GMDS: variants seen among roughly 807,000 people sequenced by gnomAD.
GMDS encodes GDP-mannose 4,6-dehydratase.
In GMDS, 20 loss-of-function variants were observed where a neutral mutation model predicts 49.9. That is an observed-to-expected ratio of 0.40 (90% CI 0.28 to 0.58). The LOEUF (loss-of-function observed/expected upper bound fraction) is 0.58. Among genes scored for constraint, GMDS ranks in the 20% least tolerant of loss-of-function variants. The pLI, the probability that GMDS is intolerant of heterozygous loss-of-function variation, is 0.42. For missense variants in GMDS, 362 were observed against 481.4 expected, an observed-to-expected ratio of 0.75 and a Z score of 2.32; for synonymous variants, 177 against 178.6, an observed-to-expected ratio of 0.99 and a Z score of 0.07.
intron 7 of GMDS, among the ~76,000 whole-genome samples, chr6:1,928,409 A>G (rs997060303): frequency 8.5e-5 from 13 of 152,064 alleles, no homozygotes; most frequent in African/African-American, 2.7e-4. Flanking sequence ...ATGTAGCTCT[A>G]TGCAGATGCT....
At chr6:1,678,483 G>T (rs115744874) in intron 9 of GMDS, among the ~76,000 whole-genome samples, 1,577 of 152,304 alleles carry the variant, frequency 0.01, 34 homozygotes, top group African/African-American at 0.036. Context: ...CTGATTTTCA[G>T]TGTGTTTGGC....
At chr6:1,793,784 C>T (rs181271478) in intron 7 of GMDS, among the ~76,000 whole-genome samples, 1 of 152,156 alleles carries the variant, frequency 6.6e-6, no homozygotes, top group Admixed American at 6.5e-5. Flanking sequence ...AACACAAATT[C>T]CCTGCCAGTG....
At chr6:1,774,724 A>AAAG (rs3038796) in intron 7 of GMDS, among the ~76,000 whole-genome samples, 52,181 of 151,912 alleles carry the variant, frequency 0.34, 9,235 homozygotes, top group South Asian at 0.47. Context: ...GACTTCACCT[A>AAAG]AAGGAACAGC....
intron 9 of GMDS, among the ~76,000 whole-genome samples, chr6:1,638,343 C>T (rs1763226339): frequency 6.6e-6 from 1 of 152,136 alleles, no homozygotes; most frequent in Non-Finnish European, 1.5e-5. Context: ...AGAGGGAACC[C>T]TGGCTGAAGA....
chr6:2,233,373 G>A (rs1781202935), intron 1 of GMDS, among the ~76,000 whole-genome samples: 1 of 151,908 alleles, frequency 6.6e-6, no homozygotes. Flanking sequence ...GAGCTCTACA[G>A]CAAACCTTAG....
intron 4 of GMDS, among the ~76,000 whole-genome samples, chr6:2,014,365 A>T (rs1767767237): frequency 6.6e-6 from 1 of 152,110 alleles, no homozygotes; most frequent in Non-Finnish European, 1.5e-5. Context: ...AACAGAAACG[A>T]AACAACATAT....
At chr6:1,843,698 G>A (rs1333699249) in intron 7 of GMDS, among the ~76,000 whole-genome samples, 2 of 152,308 alleles carry the variant, frequency 1.3e-5, no homozygotes, top group East Asian at 1.9e-4. Flanking sequence ...AACCCATGAG[G>A]TGGAGGTTGC....
chr6:2,072,362 T>C (rs753421113), intron 4 of GMDS, among the ~76,000 whole-genome samples: 3 of 152,218 alleles, frequency 2.0e-5, no homozygotes, highest in Non-Finnish European at 4.4e-5. Flanking sequence ...AAGTAAGATA[T>C]CTACAAAGGC....
intron 7 of GMDS, among the ~76,000 whole-genome samples, chr6:1,761,630 G>A (rs1189118793): frequency 6.6e-6 from 1 of 152,152 alleles, no homozygotes; most frequent in African/African-American, 2.4e-5. Context: ...TTGTTTGCCT[G>A]AACACTAATT....
intron 4 of GMDS, among the ~76,000 whole-genome samples, chr6:1,962,880 CT>C (rs567905789): frequency 4.3e-3 from 588 of 137,692 alleles, no homozygotes; most frequent in African/African-American, 8.5e-3. Flanking sequence ...TTTTTTCTTT[CT>C]TTTTTTTTTT....
chr6:2,126,101 T>C (rs1257894853), intron 1 of GMDS, among the ~76,000 whole-genome samples: 2 of 152,174 alleles, frequency 1.3e-5, no homozygotes, highest in Non-Finnish European at 1.5e-5. Flanking sequence ...AGGGAAAGTA[T>C]GAGAGACATA....
At chr6:1,711,477 T>C (rs1404745125) in intron 9 of GMDS, among the ~76,000 whole-genome samples, 3 of 152,208 alleles carry the variant, frequency 2.0e-5, no homozygotes, top group Admixed American at 1.3e-4. Context: ...GTTGCCTCTT[T>C]AAGAACACTT....
intron 1 of GMDS, among the ~76,000 whole-genome samples, chr6:2,188,909 C>T (rs142972282): frequency 1.3e-5 from 2 of 152,290 alleles, no homozygotes; most frequent in Non-Finnish European, 2.9e-5. Context: ...GGTAAGAGAA[C>T]ACTCAACAGC....
chr6:2,170,190 C>T (rs1325218493), intron 1 of GMDS, among the ~76,000 whole-genome samples: 1 of 144,424 alleles, frequency 6.9e-6, no homozygotes, highest in African/African-American at 2.7e-5. Context: ...GCAACAACAA[C>T]GAAACTACAT....
At chr6:1,827,628 A>G (rs959090486) in intron 7 of GMDS, among the ~76,000 whole-genome samples, 3 of 152,210 alleles carry the variant, frequency 2.0e-5, no homozygotes, top group African/African-American at 7.2e-5. Flanking sequence ...AAGGGATTCA[A>G]AAGAATTGCA....
intron 7 of GMDS, among the ~76,000 whole-genome samples, chr6:1,909,164 CTT>C (rs749557426): frequency 9.9e-5 from 15 of 152,176 alleles, no homozygotes; most frequent in Admixed American, 4.6e-4. Flanking sequence ...CAAACAAAGA[CTT>C]TACGGTTTTT....
chr6:1,634,036 A>G (rs1361437250), intron 9 of GMDS, among the ~76,000 whole-genome samples: 2 of 152,238 alleles, frequency 1.3e-5, no homozygotes, highest in Non-Finnish European at 2.9e-5. Flanking sequence ...CTTTTTAAAA[A>G]GGTGGACGAG....
At chr6:1,896,203 T>C (rs2113849695) in intron 7 of GMDS, among the ~76,000 whole-genome samples, 1 of 152,276 alleles carries the variant, frequency 6.6e-6, no homozygotes, top group East Asian at 1.9e-4. Flanking sequence ...TATCGGAGGA[T>C]GTTCAGCAGC....
chr6:1,735,498 G>A (rs1766970018), intron 8 of GMDS, among the ~76,000 whole-genome samples: 1 of 152,204 alleles, frequency 6.6e-6, no homozygotes, highest in Non-Finnish European at 1.5e-5. Context: ...CCTAAGCTAA[G>A]ACCTGAAGAA....
Sources: gnomAD v4.1 joint callset for allele counts (sites outside exome capture counted in the v4.1 genomes callset) on GRCh38, gnomAD v4.1.1 for gene constraint, MANE v1.5 for transcripts, NCBI Gene and HGNC (gene_info 2026-07-23, HGNC 2026-07-21) for gene names.